The following PLVAP variants were observed in gnomAD, a reference collection of about 807,000 sequenced individuals.
The protein encoded by PLVAP is plasmalemma vesicle-associated protein.
A neutral mutation model predicts 43.1 loss-of-function variants in PLVAP; 34 were observed. The ratio of observed to expected loss-of-function variants is 0.79; its 90% CI spans 0.60 to 1.05. PLVAP has a LOEUF of 1.05. PLVAP is among the 50% of genes least tolerant of loss of function. PLVAP has a pLI of 0.00. For missense variants in PLVAP, 574 were observed against 593.4 expected, an observed-to-expected ratio of 0.97 and a Z score of 0.34; for synonymous variants, 241 against 237.3, an observed-to-expected ratio of 1.02 and a Z score of -0.14.
chr19:17,364,285 C>G lies in PLVAP; in HGVS notation c.1179+1001G>C, dbSNP rs181458838. Among the ~76,000 whole-genome samples, 29 of 152,112 alleles carry G rather than the reference C, an allele frequency of 1.9e-4. No individual in the cohort carries two copies. The South Asian group carries it at 6.0e-3, about 32-fold the overall frequency. ...TGTTTTAGTAGAGGCGAGGTTTCACCGTGTTGCCCAGGCTGATCTCAAACT... is the reference window on the plus strand; with the variant it reads ...TGTTTTAGTAGAGGCGAGGTTTCACGGTGTTGCCCAGGCTGATCTCAAACT... On this transcript the variant is annotated intron_variant, in intron 3 of 5. Transcript: ENST00000252590.
At chr19:17,355,040 G>A (rs1020492758) in intron 5 of PLVAP, among the ~76,000 whole-genome samples, 2 of 151,074 alleles carry the variant, frequency 1.3e-5, no homozygotes, top group Admixed American at 1.3e-4. Context: ...TAGTAAACAT[G>A]GTGAAACGCC....
intron 5 of PLVAP, 113 bp downstream of exon 5, chr19:17,360,415 G>T: frequency 1.8e-6 from 2 of 1,105,302 alleles, no homozygotes; most frequent in Non-Finnish European, 2.7e-6. Context: ...TACAGCAGGT[G>T]CTCAATTAAG....
intron 1 of PLVAP, among the ~76,000 whole-genome samples, chr19:17,368,064 ATTTTTT>A (rs34115667): frequency 7.9e-5 from 6 of 76,024 alleles, no homozygotes; most frequent in Non-Finnish European, 1.2e-4. Context: ...TGCCCGGCTA[ATTTTTT>A]TTTTTTTTTT....
In PLVAP at chr19:17,366,182, T is replaced by G; in HGVS notation, c.383A>C (p.Asn128Thr). 1 of 1,614,136 alleles carries G rather than the reference T, an allele frequency of 6.2e-7. No individual in the cohort carries two copies. Among genetic ancestry groups the G allele is most frequent in the Non-Finnish European group, 8.5e-7 (1 of 1,180,004 alleles). ...GATGGCAGCCATGTACCTCTGATTGTTCGTGTAGATGACCTGCCCGGAAGA... is the reference window on the plus strand; with the variant it reads ...GATGGCAGCCATGTACCTCTGATTGGTCGTGTAGATGACCTGCCCGGAAGA... ...QCQGDRVIYT[N>T]NQRYMAAIIL... Residue 128 changes from asparagine (N) to threonine (T), a missense_variant, in exon 2 of 6, where the codon AAC becomes ACC. Coordinates refer to ENST00000252590, the MANE Select transcript of PLVAP (RefSeq NM_031310.3).
Position 17,377,020 on chromosome 19 carries a change from A to G in PLVAP, c.269T>C (p.Phe90Ser). The G allele has an allele frequency of 6.2e-7, 1 of 1,613,972 alleles. No homozygotes were observed. The highest frequency in any genetic ancestry group is 8.5e-7 in the Non-Finnish European group (1 of 1,179,996). ...GATGGCATCCTTGGCGCGGGTGGTGAAGTTGAGCTCCTTGGTCAAGTTGGA... is the reference window on the plus strand; with the variant it reads ...GATGGCATCCTTGGCGCGGGTGGTGGAGTTGAGCTCCTTGGTCAAGTTGGA... ...SQSNLTKELN[F>S]TTRAKDAIMQ... Residue 90 changes from phenylalanine to serine, a missense_variant, in exon 1 of 6, where the codon TTC becomes TCC. Phe to Ser is a radical substitution (Grantham distance 155). Coordinates refer to ENST00000252590, the MANE Select transcript of PLVAP (RefSeq NM_031310.3).
chr19:17,352,194 C>T lies in PLVAP; in HGVS notation c.*168G>A, dbSNP rs553522574. The T allele has an allele frequency of 3.6e-6, 3 of 836,384 alleles. No individual in the cohort carries two copies. The highest frequency in any genetic ancestry group is 1.7e-5 in the South Asian group (1 of 59,896). 51.8% of individuals were successfully genotyped at this position (836,384 alleles called of 1,614,324 possible). ...GGTGAGGGATCGTGAGGCGCGGGTG[C>T]GGGTGTGAGAGGGTACTAGGGGTTT... On this transcript the variant is annotated 3_prime_UTR_variant, in exon 6 of 6. Transcript: ENST00000252590.
Position 17,370,014 on chromosome 19 carries a change from A to AAG in PLVAP, c.370-3820_370-3819insCT, listed in dbSNP as rs1423254489. Among the ~76,000 whole-genome samples the AAG allele has an allele frequency of 1.0e-3, 157 of 151,546 alleles. 2 individuals carry two copies. Among genetic ancestry groups the AAG allele is most frequent in the Middle Eastern group, 3.4e-3 (1 of 292 alleles). ...CGAGAGTCTGTCTAAAAAAAAAAAA[A>AAG]AAAAAAAAAAAAGAAAGATATTCAA... is the stretch of plus-strand genomic sequence containing the variant. On this transcript the variant is annotated intron_variant, in intron 1 of 5. Coordinates refer to ENST00000252590, the MANE Select transcript of PLVAP (RefSeq NM_031310.3).
At chr19:17,368,286 G>T (rs903083905) in intron 1 of PLVAP, among the ~76,000 whole-genome samples, 1 of 151,846 alleles carries the variant, frequency 6.6e-6, no homozygotes, top group African/African-American at 2.4e-5. Flanking sequence ...TGGCCAGGCT[G>T]GTCTCAAACT....
At position 17,366,152 on chromosome 19, in the gene PLVAP, A is replaced by G. The variant is rs1365130004; in HGVS notation, c.413T>C (p.Leu138Ser). 2 of 1,614,072 alleles carry G rather than the reference A, an allele frequency of 1.2e-6. No individual in the cohort carries two copies. Among genetic ancestry groups the G allele is most frequent in the Admixed American group, 3.3e-5 (2 of 59,988 alleles). The change falls in exon 2 of 6, where the codon TTG becomes TCG. Residue 138 changes from leucine to serine, a missense_variant. Physicochemically the swap from Leu to Ser is moderately radical, Grantham distance 145 (BLOSUM62 -2). Transcript: ENST00000252590. ...NNQRYMAAII[L>S]SEKQCRDQFK... ...TTGATCTCTGCATTGCTTCTCACTC[A>G]AGATGATGGCAGCCATGTACCTCTG... is the stretch of plus-strand genomic sequence containing the variant.
At chr19:17,368,064 A>AT (rs34115667) in intron 1 of PLVAP, among the ~76,000 whole-genome samples, 6,383 of 75,916 alleles carry the variant, frequency 0.084, 357 homozygotes, top group African/African-American at 0.11. Context: ...TGCCCGGCTA[A>AT]TTTTTTTTTT....
chr19:17,356,990 A>G (rs2074509287), intron 5 of PLVAP, among the ~76,000 whole-genome samples: 1 of 151,366 alleles, frequency 6.6e-6, no homozygotes, highest in South Asian at 2.1e-4. Flanking sequence ...AGAAGAAGTA[A>G]GAGTGGAGGC....
At chr19:17,367,581 G>T (rs2074555497) in intron 1 of PLVAP, among the ~76,000 whole-genome samples, 1 of 152,206 alleles carries the variant, frequency 6.6e-6, no homozygotes, top group Middle Eastern at 3.4e-3. Flanking sequence ...TAGAGATGGG[G>T]TTTCTCCATG....
chr19:17,367,299 C>G (rs917404734), intron 1 of PLVAP, among the ~76,000 whole-genome samples: 3 of 151,946 alleles, frequency 2.0e-5, no homozygotes, highest in African/African-American at 4.8e-5. Flanking sequence ...ACTGCAGACT[C>G]GAACTCCTGG....
chr19:17,368,577 A>C (rs2074559436), intron 1 of PLVAP, among the ~76,000 whole-genome samples: 1 of 152,140 alleles, frequency 6.6e-6, no homozygotes, highest in Non-Finnish European at 1.5e-5. Flanking sequence ...CTAATCCAAC[A>C]TGACTGATGT....
chr19:17,360,900 T>C, intron 3 of PLVAP, 68 bp from the exon 4 acceptor site: 1 of 1,379,688 alleles, frequency 7.2e-7, no homozygotes, highest in African/African-American at 1.5e-5. Flanking sequence ...TGCCTTTTCT[T>C]TTCTTTTCTT....
intron 3 of PLVAP, 135 bp downstream of exon 3, chr19:17,365,151 C>T (rs73016433): frequency 4.7e-4 from 337 of 722,078 alleles, no homozygotes; most frequent in Non-Finnish European, 6.6e-4. Context: ...AATGCCTGAT[C>T]CTAGAGAGTT....
Position 17,352,381 on chromosome 19 carries a change from G to A in PLVAP, c.1323-13C>T. 3 of 1,613,204 alleles carry A rather than the reference G, an allele frequency of 1.9e-6. No homozygotes were observed. In the South Asian group the frequency reaches 3.3e-5, roughly 18 times the overall value. On this transcript the variant is annotated splice_polypyrimidine_tract_variant and intron_variant, in intron 5 of 5. Coordinates refer to ENST00000252590, the MANE Select transcript of PLVAP (RefSeq NM_031310.3). The stretch of plus-strand genomic sequence containing the variant: ...GCCTCCTCAGCCACTAGGGCAGGAA[G>A]GGGATGGTAACACAACAGAGTGTCA...
At chr19:17,359,541 G>A (rs540785183) in intron 5 of PLVAP, among the ~76,000 whole-genome samples, 5 of 151,772 alleles carry the variant, frequency 3.3e-5, no homozygotes, top group Admixed American at 3.3e-4. Flanking sequence ...AAGCAGCTGG[G>A]ACTACAGGCG....
chr19:17,353,196 G>A (rs538396119), intron 5 of PLVAP, among the ~76,000 whole-genome samples: 3 of 152,220 alleles, frequency 2.0e-5, no homozygotes, highest in East Asian at 3.9e-4. Flanking sequence ...GTGGCCTCAC[G>A]TTCCTTGGTT....
Sources: gnomAD v4.1 joint callset for allele counts (sites outside exome capture counted in the v4.1 genomes callset) on GRCh38, gnomAD v4.1.1 for gene constraint, MANE v1.5 for transcripts, NCBI Gene and HGNC (gene_info 2026-07-23, HGNC 2026-07-21) for gene names.